The following PTPRD variants were observed in gnomAD, a reference collection of about 807,000 sequenced individuals.
PTPRD encodes the protein protein tyrosine phosphatase receptor type D, also known as receptor-type tyrosine-protein phosphatase delta.
In PTPRD, 34 loss-of-function variants were observed where a neutral mutation model predicts 214.5. That is an observed-to-expected ratio of 0.16 (90% CI 0.12 to 0.21). The LOEUF is 0.21. Among genes scored for constraint, PTPRD ranks in the 10% least tolerant of loss-of-function variants. The probability of loss-of-function intolerance (pLI) is 1.00; values close to 1 mark genes in which losing one functional copy is unlikely to be tolerated. For missense variants in PTPRD, 2,545 were observed against 2,398.7 expected, an observed-to-expected ratio of 1.06 and a Z score of -1.27; for synonymous variants, 1,128 against 845.7, an observed-to-expected ratio of 1.33 and a Z score of -5.79.
intron 7 of PTPRD, among the ~76,000 whole-genome samples, chr9:9,577,032 T>C (rs2089092247): frequency 6.6e-6 from 1 of 152,142 alleles, no homozygotes; most frequent in African/African-American, 2.4e-5. Context: ...ACTGACGTTG[T>C]TACACTGATC....
At chr9:10,000,884 G>A (rs1258197133) in intron 4 of PTPRD, among the ~76,000 whole-genome samples, 2 of 152,136 alleles carry the variant, frequency 1.3e-5, no homozygotes, top group East Asian at 3.9e-4. Context: ...CATATTAAGA[G>A]CCTGGGGTGG....
rs533206925 is a variant in PTPRD at position 10,205,109 on chromosome 9, T to C, written c.-545+135854A>G. On this transcript the variant is annotated intron_variant, in intron 3 of 45. Transcript: ENST00000381196. ...GCCATATGCCTTATCTATGTATATG[T>C]GTATTTATTTATAAATTCTCAGGAG... 2.1e-3 allele frequency among the ~76,000 whole-genome samples: 324 copies of C among 152,284 alleles called. 2 individuals are homozygous for C. In the Middle Eastern group the frequency reaches 0.024, roughly 11 times the overall value.
intron 5 of PTPRD, among the ~76,000 whole-genome samples, chr9:9,843,360 TA>T (rs2058774119): frequency 6.6e-6 from 1 of 152,090 alleles, no homozygotes; most frequent in African/African-American, 2.4e-5. Context: ...CATTTTTTTT[TA>T]GCCATAAATG....
intron 11 of PTPRD, among the ~76,000 whole-genome samples, chr9:8,934,997 C>CTG (rs970961848): frequency 2.6e-5 from 4 of 151,958 alleles, no homozygotes; most frequent in Admixed American, 2.0e-4. Context: ...ATATGTCTTT[C>CTG]TGTGTATATA....
At chr9:9,161,504 A>C (rs2099888802) in intron 10 of PTPRD, among the ~76,000 whole-genome samples, 1 of 152,174 alleles carries the variant, frequency 6.6e-6, no homozygotes. Context: ...GCAGTTTAGC[A>C]ATAGAGATTT....
intron 14 of PTPRD, among the ~76,000 whole-genome samples, chr9:8,565,318 A>G (rs146549800): frequency 1.3e-5 from 2 of 152,300 alleles, no homozygotes; most frequent in African/African-American, 2.4e-5. Flanking sequence ...TTTCCCTAGA[A>G]TAGTAATTTC....
intron 9 of PTPRD, among the ~76,000 whole-genome samples, chr9:9,336,087 A>G (rs1418129132): frequency 1.3e-5 from 2 of 152,174 alleles, no homozygotes; most frequent in Non-Finnish European, 2.9e-5. Flanking sequence ...AAGATACGAC[A>G]CACACATAAT....
chr9:8,565,897 A>G (rs1564390808), intron 14 of PTPRD, among the ~76,000 whole-genome samples: 2 of 152,156 alleles, frequency 1.3e-5, no homozygotes. Context: ...TTGCAGTTCA[A>G]ATGCTGTTTG....
intron 5 of PTPRD, among the ~76,000 whole-genome samples, chr9:9,796,860 C>T (rs958150293): frequency 1.3e-5 from 2 of 152,128 alleles, no homozygotes; most frequent in Admixed American, 6.5e-5. Context: ...ATAAATTCAA[C>T]ATATACAACT....
At chr9:9,611,743 G>A (rs1352697505) in intron 7 of PTPRD, among the ~76,000 whole-genome samples, 1 of 152,032 alleles carries the variant, frequency 6.6e-6, no homozygotes, top group Non-Finnish European at 1.5e-5. Context: ...ATTGACTGAT[G>A]TAGAAGTATT....
At chr9:10,356,719 C>T (rs1036221761) in intron 2 of PTPRD, among the ~76,000 whole-genome samples, 10 of 150,974 alleles carry the variant, frequency 6.6e-5, no homozygotes, top group South Asian at 2.1e-4. Context: ...CTCACTCTGT[C>T]GCCACGTTGT....
At chr9:8,490,419 A>T (rs991017050) in intron 27 of PTPRD, among the ~76,000 whole-genome samples, 1 of 152,320 alleles carries the variant, frequency 6.6e-6, no homozygotes, top group East Asian at 1.9e-4. Flanking sequence ...TTTAGCCCCA[A>T]TTTAAACTAG....
chr9:9,434,802 C>T lies in PTPRD; in HGVS notation c.-236-37320G>A, dbSNP rs1436742037. 4.0e-5 allele frequency among the ~76,000 whole-genome samples: 6 copies of T among 150,266 alleles called. No individual in the cohort carries two copies. The South Asian group carries it at 1.0e-3, about 26-fold the overall frequency. On this transcript the variant is annotated intron_variant, in intron 8 of 45. Transcript: ENST00000381196. ...ATTTAGGTTGCTCTGGTCTCAGTGA[C>T]ATTCATTGTTGTTACTCAAAGCCAG...
At chr9:10,374,945 C>T (rs573885413) in intron 2 of PTPRD, among the ~76,000 whole-genome samples, 1 of 152,102 alleles carries the variant, frequency 6.6e-6, no homozygotes, top group Non-Finnish European at 1.5e-5. Flanking sequence ...GTTACAGCAG[C>T]ATGGGATATT....
chr9:10,134,707 TA>T (rs1017103146), intron 3 of PTPRD, among the ~76,000 whole-genome samples: 1 of 151,694 alleles, frequency 6.6e-6, no homozygotes, highest in African/African-American at 2.4e-5. Context: ...AAAATTATAT[TA>T]AAAAAAAGCC....
At chr9:10,117,010 C>T (rs1200550974) in intron 3 of PTPRD, among the ~76,000 whole-genome samples, 2 of 152,060 alleles carry the variant, frequency 1.3e-5, no homozygotes, top group African/African-American at 4.8e-5. Flanking sequence ...TCTTGCTTCC[C>T]TTATGCTTCT....
At chr9:9,433,275 T>C (rs1206093624) in intron 8 of PTPRD, among the ~76,000 whole-genome samples, 4 of 152,156 alleles carry the variant, frequency 2.6e-5, no homozygotes, top group Admixed American at 2.0e-4. Flanking sequence ...TTAAAGCTTA[T>C]TGAAGTGTTG....
chr9:9,681,865 A>G (rs2097080262), intron 7 of PTPRD, among the ~76,000 whole-genome samples: 1 of 151,896 alleles, frequency 6.6e-6, no homozygotes, highest in South Asian at 2.1e-4. Flanking sequence ...CTCAGAACAT[A>G]GAATCTGTTG....
intron 3 of PTPRD, among the ~76,000 whole-genome samples, chr9:10,044,650 C>T (rs990454985): frequency 6.6e-6 from 1 of 151,652 alleles, no homozygotes; most frequent in African/African-American, 2.4e-5. Context: ...ATATCATACA[C>T]AATACACAGA....
Sources: gnomAD v4.1 joint callset for allele counts (sites outside exome capture counted in the v4.1 genomes callset) on GRCh38, gnomAD v4.1.1 for gene constraint, MANE v1.5 for transcripts, NCBI Gene and HGNC (gene_info 2026-07-23, HGNC 2026-07-21) for gene names.